The following TUBD1 variants were observed in gnomAD, a reference collection of about 807,000 sequenced individuals.
TUBD1 encodes the protein tubulin delta 1.
In TUBD1, 38 loss-of-function variants were observed where a neutral mutation model predicts 51.2. The ratio of observed to expected loss-of-function variants is 0.74; its 90% CI spans 0.57 to 0.97. The LOEUF (loss-of-function observed/expected upper bound fraction) is 0.97, where lower values mean the gene tolerates loss of function less well. Ranked by LOEUF, TUBD1 falls within the 50% of genes least tolerant of loss-of-function variation. The pLI is 0.00. For synonymous variants in TUBD1, 169 were observed against 178.2 expected (o/e 0.95, Z 0.41); for missense variants, 489 against 538.4 (o/e 0.91, Z 0.91).
At chr17:59,868,108 CAAAAAAAAAAAAAA>C (rs35401242) in intron 6 of TUBD1, among the ~76,000 whole-genome samples, 1 of 26,812 alleles carries the variant, frequency 3.7e-5, no homozygotes, top group Non-Finnish European at 6.7e-5. Context: ...ACTAAAAATA[CAAAAAAAAAAAAAA>C]AAAAAAAAAA....
At chr17:59,860,592 CT>C (rs1033648200) in intron 8 of TUBD1, among the ~76,000 whole-genome samples, 168 bp from the exon 9 acceptor site, 118 of 144,102 alleles carry the variant, frequency 8.2e-4, no homozygotes, top group Admixed American at 6.2e-4. Context: ...AGTGAACTTT[CT>C]TTTTTTTTTT....
intron 7 of TUBD1, among the ~76,000 whole-genome samples, chr17:59,865,716 A>G (rs1031081934): frequency 2.0e-5 from 3 of 152,354 alleles, no homozygotes; most frequent in Admixed American, 6.5e-5. Context: ...CTTAGTATCA[A>G]TTCCCCTAAA....
intron 4 of TUBD1, among the ~76,000 whole-genome samples, chr17:59,879,208 C>T (rs1217803836): frequency 1.4e-5 from 2 of 141,420 alleles, no homozygotes; most frequent in African/African-American, 5.2e-5. Flanking sequence ...GCGGAGGTTG[C>T]GGTGAGCCAA....
At chr17:59,871,086 A>T (rs777048105) in intron 6 of TUBD1, among the ~76,000 whole-genome samples, 2 of 152,256 alleles carry the variant, frequency 1.3e-5, no homozygotes, top group Non-Finnish European at 2.9e-5. Context: ...GCAAGTGAGA[A>T]GATGATAGAG....
In TUBD1 at chr17:59,874,679, G is replaced by A. The variant is rs2040147272; in HGVS notation, c.794C>T (p.Pro265Leu). 1 of 1,611,034 alleles carries A rather than the reference G, an allele frequency of 6.2e-7. No homozygotes were observed. The highest frequency in any genetic ancestry group is 1.1e-5 in the South Asian group (1 of 90,160). Reference protein sequence around the residue: ...PLGDLMEHLVPHPEFKMLSVR... With the variant: ...PLGDLMEHLVLHPEFKMLSVR... ...ACTCAGCATCTTGAATTCAGGATGGGGAACTAAATGCTCCATTAAGTCTCC... is the reference window on the plus strand; with the variant it reads ...ACTCAGCATCTTGAATTCAGGATGGAGAACTAAATGCTCCATTAAGTCTCC... The change falls in exon 6 of 9, where the codon CCC becomes CTC. Residue 265 changes from proline (P) to leucine (L), a missense_variant. Pro to Leu is a moderately conservative substitution (Grantham distance 98). Transcript: ENST00000325752.
intron 3 of TUBD1, 86 bp from the exon 4 acceptor site, chr17:59,881,196 A>G: frequency 8.4e-7 from 1 of 1,189,346 alleles, no homozygotes; most frequent in Non-Finnish European, 1.2e-6. Flanking sequence ...CAGGATAGAG[A>G]GGTTTTTTCA....
chr17:59,860,998 A>G (rs2039417307), intron 8 of TUBD1, among the ~76,000 whole-genome samples: 1 of 151,314 alleles, frequency 6.6e-6, no homozygotes, highest in African/African-American at 2.4e-5. Flanking sequence ...TCTACTCAGT[A>G]TATATATATA....
Position 59,874,583 on chromosome 17 carries a change from T to C in TUBD1, c.890A>G (p.Lys297Arg). The C allele has an allele frequency of 6.2e-7, 1 of 1,613,446 alleles. No individual in the cohort carries two copies. Among genetic ancestry groups the C allele is most frequent in the Non-Finnish European group, 8.5e-7 (1 of 1,179,896 alleles). ...AGAAATGAGCATCTGTCTCAAATGC[T>C]TGAGGAGGCCAGCCCAAGTAAATGT... Reference protein sequence around the residue: ...YTTFTWAGLLKHLRQMLISNA... With the variant: ...YTTFTWAGLLRHLRQMLISNA... The change falls in exon 6 of 9, where the codon AAG becomes AGG. Residue 297 changes from lysine (K) to arginine (R), a missense_variant. Coordinates refer to ENST00000325752, the MANE Select transcript of TUBD1 (RefSeq NM_016261.4).
At chr17:59,867,145 CT>C (rs1416432401) in intron 6 of TUBD1, among the ~76,000 whole-genome samples, 1 of 150,938 alleles carries the variant, frequency 6.6e-6, no homozygotes, top group Non-Finnish European at 1.5e-5. Flanking sequence ...GAAAAATGGT[CT>C]TGTGGTATGT....
intron 6 of TUBD1, among the ~76,000 whole-genome samples, chr17:59,869,153 A>G (rs781447755): frequency 6.6e-6 from 1 of 151,890 alleles, no homozygotes; most frequent in Non-Finnish European, 1.5e-5. Flanking sequence ...GAAAACATTT[A>G]TATGTTCAAA....
intron 5 of TUBD1, among the ~76,000 whole-genome samples, chr17:59,874,974 T>A (rs530115179): frequency 5.7e-4 from 86 of 151,802 alleles, no homozygotes; most frequent in Non-Finnish European, 9.9e-4. Context: ...TAACTGGAAA[T>A]GTGAATGAAA....
intron 8 of TUBD1, 73 bp from the exon 9 acceptor site, chr17:59,860,497 A>T: frequency 1.1e-6 from 1 of 915,484 alleles, no homozygotes; most frequent in Non-Finnish European, 1.7e-6. Context: ...CTTAAACAAT[A>T]AACAGACCTT....
At position 59,860,391 on chromosome 17, in the gene TUBD1, G is replaced by A. The variant is rs376202678; in HGVS notation, c.1293C>T (p.Ile431=). Residue 431 remains isoleucine, a synonymous_variant, in exon 9 of 9, where the codon ATC becomes ATT. Coordinates refer to ENST00000325752, the MANE Select transcript of TUBD1 (RefSeq NM_016261.4). ...AACTGTCTAAAAAGTCCTCTTCTTCGATTCCAAATTTTGTGTACTGATGAA... is the reference window on the plus strand; with the variant it reads ...AACTGTCTAAAAAGTCCTCTTCTTCAATTCCAAATTTTGTGTACTGATGAA... ...AYIHQYTKFG[I]EEEDFLDSFT... The A allele has an allele frequency of 4.2e-5, 67 of 1,602,140 alleles. No homozygotes were observed. The highest frequency in any genetic ancestry group is 2.5e-4 in the South Asian group (23 of 90,674).
chr17:59,862,756 G>A (rs1354150829), intron 8 of TUBD1, among the ~76,000 whole-genome samples: 2 of 115,044 alleles, frequency 1.7e-5, no homozygotes, highest in Admixed American at 1.2e-4. Flanking sequence ...ACGGAGTCTC[G>A]CTCTGTCGCC....
At chr17:59,884,424 C>T (rs937216202) in intron 3 of TUBD1, among the ~76,000 whole-genome samples, 2 of 151,414 alleles carry the variant, frequency 1.3e-5, no homozygotes, top group South Asian at 2.1e-4. Flanking sequence ...ACCAGCCTGG[C>T]CAAACTGGTG....
chr17:59,863,653 T>C lies in TUBD1; in HGVS notation c.1259+11A>G. The C allele has an allele frequency of 6.5e-7, 1 of 1,531,092 alleles. No individual in the cohort carries two copies. 94.8% of individuals were successfully genotyped at this position (1,531,092 alleles called of 1,614,324 possible). A position where few individuals can be genotyped will look rare whatever the true frequency, so the allele number is the denominator to read the frequency against. On this transcript the variant is annotated intron_variant, in intron 8 of 8. Transcript: ENST00000325752. ...AAAAAAGAAAGGTTTGTAGACTTAT[T>C]TTATACTTACTTTGAAGCAAACATA...
rs529316648 is a variant in TUBD1 at position 59,881,746 on chromosome 17, G to A, written c.321-636C>T. 1.1e-3 allele frequency among the ~76,000 whole-genome samples: 164 copies of A among 151,844 alleles called. 2 individuals are homozygous for A. The highest frequency in any genetic ancestry group is 7.7e-3 in the South Asian group (37 of 4,816). ...GGCTGGAGTACAATGGCGCGATCTC[G>A]GCTCACTCCCCCTCCCGGGTTCAAG... On this transcript the variant is annotated intron_variant, in intron 3 of 8. Transcript: ENST00000325752.
intron 2 of TUBD1, 27 bp downstream of exon 2, chr17:59,890,804 A>G (rs2040964389): frequency 6.3e-7 from 1 of 1,580,310 alleles, no homozygotes; most frequent in Non-Finnish European, 8.6e-7. Flanking sequence ...GATCAGAGTA[A>G]AGGAGAGGAC....
At chr17:59,875,948 T>C (rs146981616) in intron 5 of TUBD1, among the ~76,000 whole-genome samples, 4 of 152,132 alleles carry the variant, frequency 2.6e-5, no homozygotes, top group Non-Finnish European at 4.4e-5. Context: ...TATATTACCA[T>C]AATATGAAAC....
Sources: allele counts gnomAD v4.1 joint callset (sites outside exome capture counted in the v4.1 genomes callset), GRCh38; gene constraint gnomAD v4.1.1; transcripts MANE v1.5; gene names NCBI Gene and HGNC (gene_info 2026-07-23, HGNC 2026-07-21).